CSNK1G1: variants seen among roughly 807,000 people sequenced by gnomAD.
CSNK1G1 encodes casein kinase I isoform gamma-1.
CSNK1G1 carries 22 observed loss-of-function variants against 59.6 expected under a neutral mutation model. The observed-to-expected ratio is 0.37, with a 90% confidence interval of 0.26 to 0.53. CSNK1G1 has a LOEUF of 0.53. Among genes scored for constraint, CSNK1G1 ranks in the 20% least tolerant of loss-of-function variants. The pLI, the probability that CSNK1G1 is intolerant of heterozygous loss-of-function variation, is 0.89. For synonymous variants in CSNK1G1, 179 were observed against 177.1 expected, an observed-to-expected ratio of 1.01 and a Z score of -0.08; for missense variants, 384 against 519.5, an observed-to-expected ratio of 0.74 and a Z score of 2.54.
At position 64,213,958 on chromosome 15, in the gene CSNK1G1, G is replaced by A; in HGVS notation, c.611C>T (p.Pro204Leu). The change falls in exon 6 of 12, where the codon CCT becomes CTT. Residue 204 changes from proline (P) to leucine (L), a missense_variant. Physicochemically the swap from Pro to Leu is moderately conservative, Grantham distance 98 (BLOSUM62 -3). Coordinates refer to ENST00000303052, the MANE Select transcript of CSNK1G1 (RefSeq NM_022048.5). ...AGTTAAACTTTTGTGTTCCCTATAA[G>A]GTATGTGTTTTTTGGTTTCGGGGTC... ...YIDPETKKHI[P>L]YREHKSLTGT... 2 of 1,614,104 alleles carry A rather than the reference G, an allele frequency of 1.2e-6. No homozygotes were observed. The highest frequency in any genetic ancestry group is 1.7e-6 in the Non-Finnish European group (2 of 1,179,998).
chr15:64,342,866 A>T (rs1340731530), intron 1 of CSNK1G1, among the ~76,000 whole-genome samples: 1 of 152,206 alleles, frequency 6.6e-6, no homozygotes, highest in Non-Finnish European at 1.5e-5. Context: ...GTTAAAATAC[A>T]GATTGCTGGA....
chr15:64,207,888 C>T (rs1408038458), intron 6 of CSNK1G1, among the ~76,000 whole-genome samples: 2 of 152,116 alleles, frequency 1.3e-5, no homozygotes, highest in Admixed American at 6.6e-5. Flanking sequence ...ATGCTGTCAC[C>T]TTCCTGAAAG....
chr15:64,200,955 T>A lies in CSNK1G1; in HGVS notation c.1107+2127A>T, dbSNP rs779384396. 6.6e-6 allele frequency among the ~76,000 whole-genome samples: 1 copy of A among 152,086 alleles called. No homozygotes were observed. The highest frequency in any genetic ancestry group is 1.5e-5 in the Non-Finnish European group (1 of 67,994). On this transcript the variant is annotated intron_variant, in intron 10 of 11. Transcript: ENST00000303052. This position sits in a 1 kb window ranked among gnomAD's most constrained non-coding sequence, Gnocchi z 4.3. ...TGATTTCAAGAAGTAAGGTATTTCA[T>A]CAGAGAAGAAAATAACTTGATCAAA...
At chr15:64,245,566 A>G (rs1472186924) in intron 4 of CSNK1G1, among the ~76,000 whole-genome samples, 1 of 152,148 alleles carries the variant, frequency 6.6e-6, no homozygotes, top group Non-Finnish European at 1.5e-5. Context: ...GTGTCCATTA[A>G]CAGATAAAGG....
intron 2 of CSNK1G1, among the ~76,000 whole-genome samples, chr15:64,263,241 C>T (rs565537305): frequency 2.0e-5 from 3 of 151,456 alleles, no homozygotes; most frequent in South Asian, 2.1e-4. Context: ...CATGCTGGAG[C>T]GCAGTGGCAT....
chr15:64,276,218 C>T (rs185061299), intron 2 of CSNK1G1, among the ~76,000 whole-genome samples: 311 of 152,140 alleles, frequency 2.0e-3, no homozygotes, highest in Non-Finnish European at 3.4e-3. Flanking sequence ...CTATGCTTTA[C>T]AAAGAAAATT....
intron 10 of CSNK1G1, chr15:64,189,259 G>A (rs1567362830): frequency 7.4e-6 from 6 of 810,574 alleles, no homozygotes; most frequent in South Asian, 4.8e-5. Flanking sequence ...CTTCTGGAAA[G>A]CAAAAGGAGG....
intron 1 of CSNK1G1, among the ~76,000 whole-genome samples, chr15:64,337,747 A>G (rs1029656680): frequency 6.6e-6 from 1 of 152,170 alleles, no homozygotes; most frequent in African/African-American, 2.4e-5. Context: ...CAGTATCTAT[A>G]CCCAAAATAT....
chr15:64,284,835 T>C (rs1894325000), intron 2 of CSNK1G1, among the ~76,000 whole-genome samples: 2 of 152,110 alleles, frequency 1.3e-5, no homozygotes, highest in Admixed American at 6.6e-5. Flanking sequence ...AGTGATATCA[T>C]ATGAAAGTTT....
At chr15:64,270,613 A>G (rs978244880) in intron 2 of CSNK1G1, among the ~76,000 whole-genome samples, 4 of 152,064 alleles carry the variant, frequency 2.6e-5, no homozygotes, top group Non-Finnish European at 5.9e-5. Flanking sequence ...CAAAAAAATT[A>G]GCCGGGCGTG....
intron 3 of CSNK1G1, among the ~76,000 whole-genome samples, chr15:64,255,745 T>G (rs1207769389): frequency 6.6e-6 from 1 of 152,222 alleles, no homozygotes; most frequent in Non-Finnish European, 1.5e-5. Flanking sequence ...TTTTCTGCAT[T>G]TTTCTTAAGA....
intron 2 of CSNK1G1, among the ~76,000 whole-genome samples, chr15:64,267,461 A>T (rs1412383230): frequency 6.6e-6 from 1 of 152,150 alleles, no homozygotes; most frequent in East Asian, 1.9e-4. Context: ...CAACTCACTA[A>T]CAAAAAACCC....
chr15:64,234,589 A>T (rs1045729794), intron 4 of CSNK1G1, among the ~76,000 whole-genome samples: 16 of 152,218 alleles, frequency 1.1e-4, no homozygotes, highest in African/African-American at 3.6e-4. Context: ...AGGACCACAC[A>T]CTAGCTCTCA....
intron 3 of CSNK1G1, among the ~76,000 whole-genome samples, chr15:64,252,285 A>T (rs1250193789): frequency 6.6e-6 from 1 of 151,752 alleles, no homozygotes; most frequent in Non-Finnish European, 1.5e-5. Flanking sequence ...GGTCTTGCAC[A>T]CTGCAGTCAA....
At chr15:64,290,836 C>A (rs899768338) in intron 2 of CSNK1G1, among the ~76,000 whole-genome samples, 12 of 152,156 alleles carry the variant, frequency 7.9e-5, no homozygotes, top group African/African-American at 2.9e-4. Flanking sequence ...ACCTCAGCCT[C>A]CCGAGTAGCT....
chr15:64,322,313 T>C (rs1596275554), intron 1 of CSNK1G1, among the ~76,000 whole-genome samples: 1 of 152,110 alleles, frequency 6.6e-6, no homozygotes, highest in East Asian at 2.0e-4. Context: ...ATACTCTCAA[T>C]TGGTACATGC....
At chr15:64,339,378 T>A (rs1897572203) in intron 1 of CSNK1G1, among the ~76,000 whole-genome samples, 1 of 152,152 alleles carries the variant, frequency 6.6e-6, no homozygotes, top group Non-Finnish European at 1.5e-5. Context: ...AGTGGCACAA[T>A]CTCCGCTCAC....
intron 1 of CSNK1G1, among the ~76,000 whole-genome samples, chr15:64,352,531 C>T (rs1898367747): frequency 6.9e-6 from 1 of 145,526 alleles, no homozygotes; most frequent in African/African-American, 2.5e-5. Context: ...CCGCAACCTC[C>T]ACCTCCCGGG....
intron 1 of CSNK1G1, among the ~76,000 whole-genome samples, chr15:64,334,041 C>T (rs985831594): frequency 6.6e-6 from 1 of 152,132 alleles, no homozygotes; most frequent in African/African-American, 2.4e-5. Flanking sequence ...CAAAGAAACA[C>T]TGGATTTAAA....
Sources: gnomAD v4.1 joint callset for allele counts (sites outside exome capture counted in the v4.1 genomes callset) on GRCh38, gnomAD v4.1.1 for gene constraint, Gnocchi (gnomAD v3.1) non-coding constraint, MANE v1.5 for transcripts, NCBI Gene and HGNC (gene_info 2026-07-23, HGNC 2026-07-21) for gene names.